ZSWIM5: variants seen among roughly 807,000 people sequenced by gnomAD.
The protein encoded by ZSWIM5 is zinc finger SWIM-type containing 5, also known as zinc finger SWIM domain-containing protein 5.
A neutral mutation model predicts 119.6 loss-of-function variants in ZSWIM5; 55 were observed. The observed-to-expected ratio is 0.46, with a 90% CI of 0.37 to 0.58. The LOEUF (loss-of-function observed/expected upper bound fraction) is 0.58. Ranked by LOEUF, ZSWIM5 falls within the 20% of genes least tolerant of loss-of-function variation. The pLI is 0.00. For synonymous variants in ZSWIM5, 537 were observed against 606.9 expected (o/e 0.88, Z 1.69); for missense variants, 1,193 against 1,512.8 (o/e 0.79, Z 3.51).
In ZSWIM5 at chr1:45,034,458, A is replaced by G; in HGVS notation, c.2303T>C (p.Leu768Ser). The G allele has an allele frequency of 6.2e-7, 1 of 1,605,518 alleles. No homozygotes were observed. The highest frequency in any genetic ancestry group is 8.5e-7 in the Non-Finnish European group (1 of 1,175,496). ...LALRAMRLPV[L>S]ENSASAGDTS... Reference sequence around the variant, plus strand: ...GTCGCCTGCAGAAGCTGAGTTTTCTAAAACAGGTAACCTGGAAGACCCAGG... The same window carrying G: ...GTCGCCTGCAGAAGCTGAGTTTTCTGAAACAGGTAACCTGGAAGACCCAGG... The change falls in exon 11 of 14, where the codon TTA becomes TCA. Residue 768 changes from leucine (L) to serine (S), a missense_variant. This residue lies in a region of ZSWIM5 where 961 missense variants were observed against 1,290.0 expected (regional missense o/e 0.74). Coordinates refer to ENST00000359600, the MANE Select transcript of ZSWIM5 (RefSeq NM_020883.2).
chr1:45,137,675 C>T (rs1191160755), intron 1 of ZSWIM5, among the ~76,000 whole-genome samples: 2 of 152,076 alleles, frequency 1.3e-5, no homozygotes, highest in Non-Finnish European at 2.9e-5. Context: ...ACATGCCTGG[C>T]ATGTTCAAAG....
At position 45,086,623 on chromosome 1, in the gene ZSWIM5, G is replaced by A. The variant is rs571087111; in HGVS notation, c.952+1258C>T. On this transcript the variant is annotated intron_variant, in intron 2 of 13. Transcript: ENST00000359600. ...ACAGGGCGGGGAACATCACACCCCG[G>A]GGGCTGTCGCGGGGTGGAGGGCAGG... is the stretch of plus-strand genomic sequence containing the variant. Among the ~76,000 whole-genome samples, 3 of 152,096 alleles carry A rather than the reference G, an allele frequency of 2.0e-5. No individual in the cohort carries two copies. The South Asian group carries it at 6.2e-4, about 32-fold the overall frequency.
intron 2 of ZSWIM5, chr1:45,069,997 G>T: frequency 1.4e-6 from 1 of 735,524 alleles, no homozygotes; most frequent in South Asian, 1.4e-5. Context: ...AGATAGACTG[G>T]CAGTTTCATT....
chr1:45,022,288 G>A (rs1248259585), intron 11 of ZSWIM5, among the ~76,000 whole-genome samples: 1 of 151,472 alleles, frequency 6.6e-6, no homozygotes, highest in East Asian at 2.0e-4. Flanking sequence ...CCACCACCAC[G>A]CCCGGCTAAT....
chr1:45,113,520 T>C (rs1645529922), intron 1 of ZSWIM5, among the ~76,000 whole-genome samples: 1 of 152,106 alleles, frequency 6.6e-6, no homozygotes, highest in African/African-American at 2.4e-5. Flanking sequence ...TTATTTTAAA[T>C]AAGGAAATGT....
intron 1 of ZSWIM5, among the ~76,000 whole-genome samples, chr1:45,200,657 A>G (rs1411144697): frequency 6.6e-6 from 1 of 152,222 alleles, no homozygotes. Context: ...ATCAAGAATG[A>G]CAATTTTAAC....
At chr1:45,115,639 C>T (rs1364742193) in intron 1 of ZSWIM5, among the ~76,000 whole-genome samples, 1 of 147,178 alleles carries the variant, frequency 6.8e-6, no homozygotes, top group Non-Finnish European at 1.5e-5. Context: ...AAGAGGCGCT[C>T]CTCACTTCCC....
intron 4 of ZSWIM5, 148 bp downstream of exon 4, chr1:45,058,457 GTGTT>G: frequency 1.2e-6 from 1 of 824,366 alleles, no homozygotes; most frequent in Non-Finnish European, 1.9e-6. Flanking sequence ...AGTGAGTTCA[GTGTT>G]ACTCTGGGTG....
chr1:45,040,747 C>T (rs982142368), intron 6 of ZSWIM5, among the ~76,000 whole-genome samples: 2 of 152,130 alleles, frequency 1.3e-5, no homozygotes, highest in Non-Finnish European at 2.9e-5. Flanking sequence ...GCAGCCTCAG[C>T]GTGGTCTATG....
chr1:45,176,288 G>A (rs111931735), intron 1 of ZSWIM5, among the ~76,000 whole-genome samples: 2,172 of 151,450 alleles, frequency 0.014, 68 homozygotes, highest in African/African-American at 0.051. Context: ...TTTTTCAGAC[G>A]GAGTCTTGCT....
chr1:45,092,535 T>TCCCCCCCCCCCCCCCCCCCC (rs1309993220), intron 1 of ZSWIM5, among the ~76,000 whole-genome samples: 1 of 47,518 alleles, frequency 2.1e-5, no homozygotes, highest in Non-Finnish European at 4.2e-5. Flanking sequence ...GACCTCGTGA[T>TCCCCCCCCCCCCCCCCCCCC]CCACCCCCCC....
Position 45,193,116 on chromosome 1 carries a change from A to G in ZSWIM5, c.595+12640T>C, listed in dbSNP as rs548686796. Among the ~76,000 whole-genome samples the G allele has an allele frequency of 1.3e-4, 19 of 150,210 alleles. No individual in the cohort carries two copies. In the South Asian group the frequency reaches 1.7e-3, roughly 13 times the overall value. On this transcript the variant is annotated intron_variant, in intron 1 of 13. Coordinates refer to ENST00000359600, the MANE Select transcript of ZSWIM5 (RefSeq NM_020883.2). ...ACTTAGAAATATCTGGCAGGCAAAT[A>G]TATATGCTGATCTTTGGATTATTTG...
intron 1 of ZSWIM5, among the ~76,000 whole-genome samples, chr1:45,166,303 T>C (rs1320367041): frequency 1.3e-5 from 2 of 152,100 alleles, no homozygotes; most frequent in South Asian, 2.1e-4. Context: ...AACTAGGTAT[T>C]GATGGGATGT....
chr1:45,029,508 T>C (rs955734223), intron 11 of ZSWIM5, among the ~76,000 whole-genome samples: 1 of 152,202 alleles, frequency 6.6e-6, no homozygotes, highest in Non-Finnish European at 1.5e-5. Flanking sequence ...ATTAAAGTGG[T>C]GTTGGCCAGG....
At chr1:45,154,351 G>C (rs1178808788) in intron 1 of ZSWIM5, among the ~76,000 whole-genome samples, 1 of 152,024 alleles carries the variant, frequency 6.6e-6, no homozygotes, top group Non-Finnish European at 1.5e-5. Flanking sequence ...TCAAACATAA[G>C]GTCACAGTCA....
intron 1 of ZSWIM5, among the ~76,000 whole-genome samples, chr1:45,182,358 C>A (rs1327683071): frequency 2.7e-5 from 4 of 150,940 alleles, no homozygotes; most frequent in Non-Finnish European, 5.9e-5. Context: ...GAGCGGAGAT[C>A]GCGCCACAGC....
chr1:45,187,078 A>AT (rs895814308), intron 1 of ZSWIM5, among the ~76,000 whole-genome samples: 4 of 151,594 alleles, frequency 2.6e-5, no homozygotes, highest in African/African-American at 7.2e-5. Context: ...TCCCAACTAG[A>AT]TTTTTTTTTG....
chr1:45,139,015 G>C (rs1392828508), intron 1 of ZSWIM5, among the ~76,000 whole-genome samples: 1 of 151,078 alleles, frequency 6.6e-6, no homozygotes, highest in Non-Finnish European at 1.5e-5. Flanking sequence ...CCTCGTAGCT[G>C]GGATTACAGG....
intron 11 of ZSWIM5, among the ~76,000 whole-genome samples, chr1:45,024,749 G>GGTTAAAGATATTCTCCT (rs1457994706): frequency 1.3e-5 from 2 of 151,990 alleles, no homozygotes; most frequent in Admixed American, 6.6e-5. Context: ...CCGCCTCCTG[G>GGTTAAAGATATTCTCCT]GTTAAAGATA....
Sources: allele counts gnomAD v4.1 joint callset (sites outside exome capture counted in the v4.1 genomes callset), GRCh38; gene constraint gnomAD v4.1.1; regional missense constraint gnomAD v4.1.1; transcripts MANE v1.5; gene names NCBI Gene and HGNC (gene_info 2026-07-23, HGNC 2026-07-21).